Variants in RANBP2 observed in about 807,000 individuals in gnomAD.
RANBP2 encodes the protein E3 SUMO-protein ligase RanBP2.
Under a neutral mutation model 303.6 loss-of-function variants are expected in RANBP2, and 57 were observed. That is an observed-to-expected ratio of 0.19 (90% CI 0.15 to 0.23). RANBP2 has a LOEUF of 0.23. RANBP2 is among the 10% of genes least tolerant of loss of function. RANBP2 has a pLI of 1.00. For synonymous variants in RANBP2, 1,167 were observed against 1,301.5 expected (o/e 0.90, Z 2.23); for missense variants, 3,138 against 3,780.8 (o/e 0.83, Z 4.46).
the RANBP2 span, among the ~76,000 whole-genome samples, chr2:109,267,673 A>G: frequency 6.6e-6 from 1 of 152,196 alleles, no homozygotes; most frequent in Non-Finnish European, 1.5e-5. Context: ...TCTGGGAGGC[A>G]GGAGCCCCAC....
At chr2:108,965,258 A>T in the RANBP2 span, among the ~76,000 whole-genome samples, 4 of 152,074 alleles carry the variant, frequency 2.6e-5, no homozygotes, top group Non-Finnish European at 5.9e-5. Context: ...CAGGCGGATC[A>T]TGAGGTCAGG....
At chr2:108,957,347 C>G in the RANBP2 span, among the ~76,000 whole-genome samples, 2 of 152,222 alleles carry the variant, frequency 1.3e-5, no homozygotes, top group African/African-American at 4.8e-5. Flanking sequence ...CATGTGGAAG[C>G]CAAAGGTCTT....
the RANBP2 span, among the ~76,000 whole-genome samples, chr2:108,974,963 C>G: frequency 6.6e-6 from 1 of 152,176 alleles, no homozygotes; most frequent in Non-Finnish European, 1.5e-5. Flanking sequence ...GAAGGAAGAG[C>G]CCATCAACCC....
chr2:109,354,016 G>T, the RANBP2 span, among the ~76,000 whole-genome samples: 1 of 152,212 alleles, frequency 6.6e-6, no homozygotes, highest in Non-Finnish European at 1.5e-5. Context: ...GGACAAAGAT[G>T]CAGGGCCAGC....
chr2:109,243,892 A>G, the RANBP2 span, among the ~76,000 whole-genome samples: 8 of 152,180 alleles, frequency 5.3e-5, no homozygotes, highest in Non-Finnish European at 1.2e-4. Context: ...TAGATGAGTG[A>G]GTAGTGAGTG....
the RANBP2 span, chr2:109,585,926 A>G: frequency 1.1e-6 from 1 of 879,858 alleles, no homozygotes; most frequent in South Asian, 1.6e-5. Flanking sequence ...GGACAAATAT[A>G]TCAAATAAAT....
the RANBP2 span, among the ~76,000 whole-genome samples, chr2:109,519,973 A>G: frequency 1.3e-5 from 2 of 151,984 alleles, no homozygotes; most frequent in African/African-American, 2.4e-5. Context: ...CTGACTGAGG[A>G]GGTGGTTGCA....
At chr2:109,575,150 C>G in the RANBP2 span, among the ~76,000 whole-genome samples, 9 of 152,208 alleles carry the variant, frequency 5.9e-5, no homozygotes, top group Non-Finnish European at 1.0e-4. Flanking sequence ...TACACTGATT[C>G]ATTCTCATAG....
At chr2:108,930,859 G>T in the RANBP2 span, 1 of 1,246,652 alleles carries the variant, frequency 8.0e-7, no homozygotes, top group Non-Finnish European at 1.2e-6. Flanking sequence ...CTGTGGAGGA[G>T]GGACTATGAT....
At chr2:109,309,791 C>T in the RANBP2 span, among the ~76,000 whole-genome samples, 1 of 121,844 alleles carries the variant, frequency 8.2e-6, no homozygotes, top group Non-Finnish European at 1.6e-5. Flanking sequence ...GAAGAGCTAA[C>T]TATCCTAAAT....
chr2:109,414,256 T>TA, the RANBP2 span, among the ~76,000 whole-genome samples: 2 of 152,332 alleles, frequency 1.3e-5, no homozygotes, highest in African/African-American at 4.8e-5. Flanking sequence ...TCTGTGTACT[T>TA]AGAGTGACTG....
the RANBP2 span, among the ~76,000 whole-genome samples, chr2:108,946,087 T>G: frequency 1.3e-5 from 2 of 152,206 alleles, no homozygotes; most frequent in African/African-American, 4.8e-5. Context: ...GCTGCCAAGT[T>G]TCTGGTGACT....
chr2:108,933,781 G>C, the RANBP2 span, among the ~76,000 whole-genome samples: 1 of 152,088 alleles, frequency 6.6e-6, no homozygotes, highest in African/African-American at 2.4e-5. Context: ...CGGGGTGGCG[G>C]GGAGGCAAGG....
chr2:109,117,493 C>A, the RANBP2 span, among the ~76,000 whole-genome samples: 2 of 152,196 alleles, frequency 1.3e-5, no homozygotes, highest in African/African-American at 4.8e-5. Context: ...CGGAAAAGTG[C>A]AGTATTAGGG....
intron 25 of RANBP2, among the ~76,000 whole-genome samples, chr2:108,779,129 A>T (rs1678071999): frequency 6.6e-6 from 1 of 151,444 alleles, no homozygotes; most frequent in Non-Finnish European, 1.5e-5. Context: ...TTGTTCTCAG[A>T]TCATTCCTTT....
the RANBP2 span, among the ~76,000 whole-genome samples, chr2:108,866,219 A>G: frequency 6.6e-6 from 1 of 152,222 alleles, no homozygotes; most frequent in Admixed American, 6.5e-5. Context: ...CTCTTCTGCC[A>G]TCTTGATGAT....
At chr2:109,778,997 A>G in the RANBP2 span, among the ~76,000 whole-genome samples, 1 of 147,236 alleles carries the variant, frequency 6.8e-6, no homozygotes, top group Non-Finnish European at 1.5e-5. Flanking sequence ...CAGATATGGG[A>G]ATTGTTATGA....
In RANBP2 at chr2:108,768,282, G is replaced by C. The variant is rs1013420168; in HGVS notation, c.7743G>C (p.Lys2581Asn). 4 of 1,611,864 alleles carry C rather than the reference G, an allele frequency of 2.5e-6. No homozygotes were observed. Among genetic ancestry groups the C allele is most frequent in the Non-Finnish European group, 3.4e-6 (4 of 1,179,862 alleles). ...KVEPKKCELS[K>N]NSDIEQSSDS... The stretch of plus-strand genomic sequence containing the variant: ...AACCTAAAAAATGTGAACTGTCAAA[G>C]AACTCTGATATCGAACAGTCTTCAG... Residue 2581 changes from lysine to asparagine, a missense_variant, in exon 20 of 29, where the codon AAG (lysine) becomes AAC (asparagine). Physicochemically the swap from Lys to Asn is moderately conservative, Grantham distance 94. Coordinates refer to ENST00000283195, the MANE Select transcript of RANBP2 (RefSeq NM_006267.5).
chr2:108,869,439 G>A, the RANBP2 span, among the ~76,000 whole-genome samples: 1 of 152,184 alleles, frequency 6.6e-6, no homozygotes, highest in Non-Finnish European at 1.5e-5. Flanking sequence ...CCAAGAGACT[G>A]GTTTCAGACT....
Sources: allele counts gnomAD v4.1 joint callset (sites outside exome capture counted in the v4.1 genomes callset), GRCh38; gene constraint gnomAD v4.1.1; transcripts MANE v1.5; gene names NCBI Gene and HGNC (gene_info 2026-07-23, HGNC 2026-07-21).